Variants in LRRC4C observed in about 807,000 individuals in gnomAD.
LRRC4C encodes leucine rich repeat containing 4C, also known as leucine-rich repeat-containing protein 4C.
Under a neutral mutation model 33.6 loss-of-function variants are expected in LRRC4C, and 5 were observed. The ratio of observed to expected loss-of-function variants is 0.15; its 90% confidence interval spans 0.08 to 0.31. The LOEUF (loss-of-function observed/expected upper bound fraction) is 0.31. Ranked by LOEUF, LRRC4C falls within the 10% of genes least tolerant of loss-of-function variation. The pLI is 1.00. For missense variants in LRRC4C, 560 were observed against 796.7 expected (o/e 0.70, Z 3.58); for synonymous variants, 329 against 302.0 (o/e 1.09, Z -0.93).
intron 1 of LRRC4C, among the ~76,000 whole-genome samples, chr11:41,031,514 A>G (rs572988370): frequency 2.6e-5 from 4 of 152,130 alleles, no homozygotes; most frequent in South Asian, 2.1e-4. Context: ...CAGGGTGTAT[A>G]TTGCTTGACA....
chr11:41,160,234 A>G (rs10430861), intron 1 of LRRC4C, among the ~76,000 whole-genome samples: 7,780 of 152,096 alleles, frequency 0.051, 237 homozygotes, highest in African/African-American at 0.07. Context: ...GCTGGACACA[A>G]TGATGGGTGC....
At chr11:40,650,011 G>A (rs1181315280) in intron 2 of LRRC4C, among the ~76,000 whole-genome samples, 2 of 152,210 alleles carry the variant, frequency 1.3e-5, no homozygotes, top group Non-Finnish European at 2.9e-5. Context: ...GCTTTGTTTT[G>A]TTTAAATAAT....
chr11:40,407,262 C>A (rs1183203036), intron 3 of LRRC4C, among the ~76,000 whole-genome samples: 1 of 152,082 alleles, frequency 6.6e-6, no homozygotes, highest in African/African-American at 2.4e-5. Context: ...AGCAAAGAGT[C>A]TACTGGAAAT....
intron 3 of LRRC4C, among the ~76,000 whole-genome samples, chr11:40,584,248 G>A (rs1194468413): frequency 7.1e-6 from 1 of 141,210 alleles, no homozygotes; most frequent in African/African-American, 2.6e-5. Flanking sequence ...ACTGCCAAGC[G>A]TATGTGTTTG....
chr11:41,187,559 T>TA (rs1224467394), intron 1 of LRRC4C, among the ~76,000 whole-genome samples: 2 of 152,086 alleles, frequency 1.3e-5, no homozygotes, highest in Non-Finnish European at 2.9e-5. Context: ...TACTGCTCAA[T>TA]AAAAAAGCCT....
rs11036213 is a variant in LRRC4C, at chr11:41,072,828, C to T, written c.-495-139105G>A. On this transcript the variant is annotated intron_variant, in intron 1 of 6. Coordinates refer to ENST00000528697, the MANE Select transcript of LRRC4C (RefSeq NM_001258419.2). ...CTTTATATCCCATTCTATCAAATAA[C>T]ACTCATCTTCCCAAATGATTAACAT... Among the ~76,000 whole-genome samples, 343 of 152,294 alleles carry T rather than the reference C, an allele frequency of 2.3e-3. 8 individuals are homozygous for T. In the East Asian group the frequency reaches 0.056, roughly 25 times the overall value.
At chr11:40,405,323 T>C (rs1949921226) in intron 3 of LRRC4C, among the ~76,000 whole-genome samples, 1 of 151,750 alleles carries the variant, frequency 6.6e-6, no homozygotes. Context: ...CCCAAAATGG[T>C]CATGTGATCA....
chr11:40,861,648 G>A lies in LRRC4C; in HGVS notation c.-407+71987C>T, dbSNP rs550039700. On this transcript the variant is annotated intron_variant, in intron 2 of 6. Transcript: ENST00000528697. ...ATAACCCCAAGAAGGCACGGTTATTGTGTTAGTTTGTTACGCATTGCTGTA... is the reference window on the plus strand; with the variant it reads ...ATAACCCCAAGAAGGCACGGTTATTATGTTAGTTTGTTACGCATTGCTGTA... 3.9e-5 allele frequency among the ~76,000 whole-genome samples: 6 copies of A among 152,294 alleles called. 1 individual carries two copies. In the East Asian group the frequency reaches 1.2e-3, roughly 29 times the overall value.
chr11:40,691,956 T>C (rs1945238007), intron 2 of LRRC4C, among the ~76,000 whole-genome samples: 2 of 152,076 alleles, frequency 1.3e-5, no homozygotes, highest in Non-Finnish European at 2.9e-5. Context: ...CAGGGGCTTT[T>C]CATGAAGATA....
chr11:40,222,753 G>A (rs1382201766), intron 5 of LRRC4C, among the ~76,000 whole-genome samples: 1 of 152,198 alleles, frequency 6.6e-6, no homozygotes, highest in African/African-American at 2.4e-5. Context: ...GGATTAGGAT[G>A]ACTCCACAGG....
chr11:40,959,297 G>T (rs1959092939), intron 1 of LRRC4C, among the ~76,000 whole-genome samples: 1 of 151,616 alleles, frequency 6.6e-6, no homozygotes, highest in Non-Finnish European at 1.5e-5. Context: ...TAGAGATATA[G>T]CTATGATAAG....
chr11:41,277,242 C>T (rs1160170803), intron 1 of LRRC4C, among the ~76,000 whole-genome samples: 1 of 152,098 alleles, frequency 6.6e-6, no homozygotes, highest in Admixed American at 6.5e-5. Flanking sequence ...AATAACAAAG[C>T]ATGTAAAAAA....
chr11:41,272,775 A>T (rs969692590), intron 1 of LRRC4C, among the ~76,000 whole-genome samples: 1 of 152,152 alleles, frequency 6.6e-6, no homozygotes, highest in Non-Finnish European at 1.5e-5. Context: ...ACTTTTGTAC[A>T]TTTATGCCAA....
intron 2 of LRRC4C, among the ~76,000 whole-genome samples, chr11:40,774,146 C>A (rs1949880009): frequency 6.6e-6 from 1 of 152,042 alleles, no homozygotes; most frequent in African/African-American, 2.4e-5. Context: ...AGCATAATAT[C>A]TTCAAGTTTC....
At chr11:40,225,525 C>A (rs1164383958) in intron 5 of LRRC4C, among the ~76,000 whole-genome samples, 1 of 151,976 alleles carries the variant, frequency 6.6e-6, no homozygotes. Context: ...TACAGATGTT[C>A]TAATTGGTTG....
intron 2 of LRRC4C, among the ~76,000 whole-genome samples, chr11:40,769,262 A>C (rs182148988): frequency 1.2e-4 from 18 of 152,224 alleles, no homozygotes; most frequent in Non-Finnish European, 2.4e-4. Context: ...CTTAAAAATA[A>C]ACTGATGCAA....
intron 3 of LRRC4C, among the ~76,000 whole-genome samples, chr11:40,403,658 G>C (rs529932701): frequency 1.3e-5 from 2 of 152,044 alleles, no homozygotes; most frequent in South Asian, 4.1e-4. Context: ...TTTTTTTTCT[G>C]TTCCTTGTTG....
At chr11:40,183,844 G>A (rs1861202478) in intron 5 of LRRC4C, among the ~76,000 whole-genome samples, 1 of 152,214 alleles carries the variant, frequency 6.6e-6, no homozygotes. Flanking sequence ...TTATGCTAGA[G>A]GTTGGCTAGT....
intron 2 of LRRC4C, among the ~76,000 whole-genome samples, chr11:40,781,196 A>T (rs1950197418): frequency 6.6e-6 from 1 of 152,174 alleles, no homozygotes; most frequent in African/African-American, 2.4e-5. Flanking sequence ...ATGTATCTAA[A>T]CATAGAAAAG....
Sources: gnomAD v4.1 joint callset for allele counts (sites outside exome capture counted in the v4.1 genomes callset) on GRCh38, gnomAD v4.1.1 for gene constraint, MANE v1.5 for transcripts, NCBI Gene and HGNC (gene_info 2026-07-23, HGNC 2026-07-21) for gene names.